ACOX1: variants seen among roughly 807,000 people sequenced by gnomAD.
ACOX1 encodes acyl-CoA oxidase 1.
ACOX1 carries 41 observed loss-of-function variants against 75.5 expected under a neutral mutation model. The observed-to-expected ratio is 0.54, with a 90% CI of 0.42 to 0.70. The LOEUF is 0.70. Ranked by LOEUF, ACOX1 falls within the 30% of genes least tolerant of loss-of-function variation. The pLI is 0.00. For synonymous variants in ACOX1, 303 were observed against 298.8 expected, an observed-to-expected ratio of 1.01 and a Z score of -0.15; for missense variants, 630 against 837.5, an observed-to-expected ratio of 0.75 and a Z score of 3.06.
chr17:75,963,144 A>G (rs2065901278), intron 2 of ACOX1, among the ~76,000 whole-genome samples: 1 of 151,972 alleles, frequency 6.6e-6, no homozygotes, highest in Non-Finnish European at 1.5e-5. Flanking sequence ...AAAAAACAAC[A>G]ACGAACAAAA....
Position 75,946,882 on chromosome 17 carries a change from T to G in ACOX1, c.1936-87A>C, listed in dbSNP as rs28590720. 0.048 allele frequency: 62,228 copies of G among 1,292,058 alleles called. 1,877 individuals carry two copies. Among genetic ancestry groups the G allele is most frequent in the Middle Eastern group, 0.17 (900 of 5,418 alleles). The allele number at this position is 1,292,058 out of a possible 1,614,324, so 80.0% of individuals were successfully genotyped here. A position where few individuals can be genotyped will look rare whatever the true frequency, so the allele number is the denominator to read the frequency against. Reference sequence around the variant, plus strand: ...GTTTTTTGTTTTTGTTTTTGTTTTTTTTTTGAGACTGAGTCCTGCTCTGTT... The same window carrying G: ...GTTTTTTGTTTTTGTTTTTGTTTTTGTTTTGAGACTGAGTCCTGCTCTGTT... On this transcript the variant is annotated intron_variant, in intron 13 of 13. Transcript: ENST00000293217.
In ACOX1 at chr17:75,949,855, C is replaced by G; in HGVS notation, c.1341G>C (p.Leu447Phe). The G allele has an allele frequency of 6.2e-7, 1 of 1,614,228 alleles. No homozygotes were observed. Among genetic ancestry groups the G allele is most frequent in the Non-Finnish European group, 8.5e-7 (1 of 1,180,034 alleles). ...TCAAATAGGACACCATGCCACACACCAACTTTCCTGAGTGCACCTGATCAT... is the reference window on the plus strand; with the variant it reads ...TCAAATAGGACACCATGCCACACACGAACTTTCCTGAGTGCACCTGATCAT... Reference protein sequence around the residue: ...KSYDQVHSGKLVCGMVSYLND... With the variant: ...KSYDQVHSGKFVCGMVSYLND... The change falls in exon 10 of 14, where the codon TTG becomes TTC. Residue 447 changes from leucine (L) to phenylalanine (F), a missense_variant. By Grantham distance (22) the Leu-to-Phe change is conservative. Coordinates refer to ENST00000293217, the MANE Select transcript of ACOX1 (RefSeq NM_004035.7).
chr17:75,957,068 C>G (rs149950561), intron 4 of ACOX1, among the ~76,000 whole-genome samples: 1,501 of 147,962 alleles, frequency 0.01, 23 homozygotes, highest in Middle Eastern at 0.021. Context: ...TGTACACACA[C>G]CACACACACA....
intron 2 of ACOX1, among the ~76,000 whole-genome samples, chr17:75,967,571 C>T (rs2065942977): frequency 6.9e-6 from 1 of 145,570 alleles, no homozygotes; most frequent in African/African-American, 2.5e-5. Context: ...AAACGTTTAG[C>T]AAAGCAGAAA....
intron 2 of ACOX1, among the ~76,000 whole-genome samples, chr17:75,970,006 G>T (rs938188564): frequency 1.3e-5 from 2 of 151,884 alleles, no homozygotes; most frequent in East Asian, 3.9e-4. Flanking sequence ...CCAACATGGT[G>T]AAACCCTGTC....
In ACOX1 at chr17:75,951,641, C is replaced by G. The variant is rs1319379346; in HGVS notation, c.945-64G>C. 10 of 1,544,916 alleles carry G rather than the reference C, an allele frequency of 6.5e-6. No individual in the cohort carries two copies. The Middle Eastern group carries it at 5.9e-4, about 91-fold the overall frequency. ...TGTTTATACAGAACTTTCTATATGC[C>G]AGGTTCTAATCTAAGCACTTGGTAT... On this transcript the variant is annotated intron_variant, in intron 7 of 13. Coordinates refer to ENST00000293217, the MANE Select transcript of ACOX1 (RefSeq NM_004035.7).
chr17:75,956,070 A>G, intron 4 of ACOX1, 123 bp from the exon 5 acceptor site: 1 of 1,356,298 alleles, frequency 7.4e-7, no homozygotes, highest in Non-Finnish European at 1.0e-6. Flanking sequence ...TGTGTCCAGA[A>G]AGCCTTTCTG....
chr17:75,978,841 T>TG lies in ACOX1; in HGVS notation c.109+123dup. The TG allele has an allele frequency of 6.3e-7, 1 of 1,597,748 alleles. No individual in the cohort carries two copies. Among genetic ancestry groups the TG allele is most frequent in the African/African-American group, 1.3e-5 (1 of 74,844 alleles). On this transcript the variant is annotated intron_variant, in intron 1 of 13. Coordinates refer to ENST00000293217, the MANE Select transcript of ACOX1 (RefSeq NM_004035.7). This position sits in a 1 kb window ranked among gnomAD's most constrained non-coding sequence, Gnocchi z 4.2. ...CAGGGACACAGGCTGTTCCTCGAAG[T>TG]GGGGGTCCCGGCTCCCCTAACGCTG...
rs1241107131 is a variant in ACOX1 at position 75,948,403 on chromosome 17, A to C, written c.1783T>G (p.Leu595Val). The C allele has an allele frequency of 6.2e-7, 1 of 1,613,920 alleles. No individual in the cohort carries two copies. The highest frequency in any genetic ancestry group is 8.5e-7 in the Non-Finnish European group (1 of 1,180,012). The change falls in exon 13 of 14, where the codon TTA (leucine) becomes GTA (valine). Residue 595 changes from leucine to valine, a missense_variant. By Grantham distance (32) the Leu-to-Val change is conservative (BLOSUM62 1). Coordinates refer to ENST00000293217, the MANE Select transcript of ACOX1 (RefSeq NM_004035.7). The stretch of plus-strand genomic sequence containing the variant: ...GCATCTGAGCGAATCAGAGTGAGTA[A>C]CTCCTTTACACGCTGGTTTACTTGT... ...ITQVNQRVKE[L>V]LTLIRSDAVA...
At chr17:75,963,497 C>T (rs745687142) in intron 2 of ACOX1, among the ~76,000 whole-genome samples, 7 of 151,570 alleles carry the variant, frequency 4.6e-5, no homozygotes, top group Non-Finnish European at 7.4e-5. Flanking sequence ...ATCAGGAGAT[C>T]GAGACCATCC....
intron 2 of ACOX1, among the ~76,000 whole-genome samples, chr17:75,967,866 G>A (rs756519653): frequency 3.4e-4 from 51 of 150,236 alleles, no homozygotes; most frequent in Admixed American, 8.7e-4. Context: ...TCAGCCTTCC[G>A]AGTAGCTAGA....
Position 75,944,654 on chromosome 17 carries a change from C to T in ACOX1, c.*2094G>A, listed in dbSNP as rs370537382. 28 of 152,120 alleles carry T rather than the reference C, an allele frequency of 1.8e-4. No homozygotes were observed. Among genetic ancestry groups the T allele is most frequent in the Admixed American group, 1.0e-3 (16 of 15,246 alleles). 9.4% of individuals were successfully genotyped at this position (152,120 alleles called of 1,614,324 possible). A position where few individuals can be genotyped will look rare whatever the true frequency, so the allele number is the denominator to read the frequency against. On this transcript the variant is annotated 3_prime_UTR_variant, in exon 14 of 14. Coordinates refer to ENST00000293217, the MANE Select transcript of ACOX1 (RefSeq NM_004035.7). ...CTCTCTTAATAGTACAAATCAGTGA[C>T]GTTTACTCTATCTTTATTCTTGATT...
Position 75,949,138 on chromosome 17 carries a change from G to T in ACOX1, c.1728+79C>A, listed in dbSNP as rs1314243905. The stretch of plus-strand genomic sequence containing the variant: ...GGCTCCCAAAGTGCTGGGATTACAG[G>T]CATGAGCCACCGTGCCCAGCCAACA... On this transcript the variant is annotated intron_variant, in intron 12 of 13. Coordinates refer to ENST00000293217, the MANE Select transcript of ACOX1 (RefSeq NM_004035.7). The T allele has an allele frequency of 2.6e-6, 4 of 1,555,276 alleles. No homozygotes were observed. The East Asian group carries it at 9.0e-5, about 35-fold the overall frequency.
At chr17:75,955,345 G>T (rs2065814167) in intron 6 of ACOX1, among the ~76,000 whole-genome samples, 1 of 151,796 alleles carries the variant, frequency 6.6e-6, no homozygotes, top group Non-Finnish European at 1.5e-5. Context: ...TTTACTTTTT[G>T]TAGAGATGGG....
intron 4 of ACOX1, among the ~76,000 whole-genome samples, chr17:75,957,204 C>G (rs1260008888): frequency 6.6e-6 from 1 of 151,672 alleles, no homozygotes; most frequent in Non-Finnish European, 1.5e-5. Context: ...CCTCAGCCTC[C>G]CAAGTAGCTG....
intron 2 of ACOX1, among the ~76,000 whole-genome samples, chr17:75,973,105 T>C (rs58870928): frequency 0.019 from 2,881 of 152,292 alleles, 54 homozygotes; most frequent in East Asian, 0.089. Context: ...CCCAGACATG[T>C]AGGGGAAAAA....
At chr17:75,975,475 T>C in intron 2 of ACOX1, among the ~76,000 whole-genome samples, 1 of 152,216 alleles carries the variant, frequency 6.6e-6, no homozygotes, top group Non-Finnish European at 1.5e-5. Flanking sequence ...GTCTTTTCTA[T>C]CTTACATAAA....
In ACOX1 at chr17:75,955,976, G is replaced by A. The variant is rs1417579848; in HGVS notation, c.539-29C>T. ...TAATATCAAAGAGAACAAGGGAGGGGTGGGCAAACGTTCATACATTTTTAA... is the reference window on the plus strand; with the variant it reads ...TAATATCAAAGAGAACAAGGGAGGGATGGGCAAACGTTCATACATTTTTAA... On this transcript the variant is annotated intron_variant, in intron 4 of 13. Transcript: ENST00000293217. 7.4e-6 allele frequency: 12 copies of A among 1,612,898 alleles called. No homozygotes were observed. The South Asian group carries it at 1.3e-4, about 18-fold the overall frequency.
intron 2 of ACOX1, among the ~76,000 whole-genome samples, chr17:75,967,685 TATATATACATACATATATATAC>T (rs1253601013): frequency 8.5e-6 from 1 of 118,212 alleles, no homozygotes; most frequent in African/African-American, 4.4e-5. Flanking sequence ...TATATACGTA[TATATATACATACATATATATAC>T]ATATATATAT....
Sources: allele counts gnomAD v4.1 joint callset (sites outside exome capture counted in the v4.1 genomes callset), GRCh38; gene constraint gnomAD v4.1.1; non-coding constraint Gnocchi (gnomAD v3.1); transcripts MANE v1.5; gene names NCBI Gene and HGNC (gene_info 2026-07-23, HGNC 2026-07-21).